Variants in SLC35F1 observed in about 807,000 individuals in gnomAD.
SLC35F1 encodes chromosome 6 open reading frame 169.
In SLC35F1, 14 loss-of-function variants were observed where a neutral mutation model predicts 48.7. The observed-to-expected ratio is 0.29, with a 90% confidence interval of 0.19 to 0.45. The LOEUF (loss-of-function observed/expected upper bound fraction) is 0.45, where lower values mean the gene tolerates loss of function less well. Ranked by LOEUF, SLC35F1 falls within the 20% of genes least tolerant of loss-of-function variation. SLC35F1 has a pLI of 1.00. For synonymous variants in SLC35F1, 190 were observed against 202.2 expected (o/e 0.94, Z 0.51); for missense variants, 404 against 500.0 (o/e 0.81, Z 1.83).
intron 2 of SLC35F1, among the ~76,000 whole-genome samples, chr6:118,158,954 C>T (rs1202517461): frequency 6.6e-6 from 1 of 152,150 alleles, no homozygotes; most frequent in African/African-American, 2.4e-5. Flanking sequence ...GGCGTGGTGG[C>T]TCATGCCTGT....
intron 1 of SLC35F1, among the ~76,000 whole-genome samples, chr6:117,994,948 T>C (rs900678616): frequency 2.6e-5 from 4 of 152,234 alleles, no homozygotes; most frequent in Admixed American, 6.5e-5. Context: ...TTATCACTCA[T>C]GTAACTGACA....
intron 1 of SLC35F1, among the ~76,000 whole-genome samples, chr6:118,077,644 G>A (rs1284348134): frequency 2.0e-5 from 3 of 152,302 alleles, no homozygotes; most frequent in Middle Eastern, 3.4e-3. Flanking sequence ...ATATAAAAAT[G>A]CTGGACAGCA....
chr6:118,064,778 A>G (rs1387351382), intron 1 of SLC35F1, among the ~76,000 whole-genome samples: 1 of 152,168 alleles, frequency 6.6e-6, no homozygotes, highest in Non-Finnish European at 1.5e-5. Flanking sequence ...CATATGTGTA[A>G]TGGTTATCTG....
intron 1 of SLC35F1, among the ~76,000 whole-genome samples, chr6:117,987,453 T>G (rs1044587701): frequency 2.8e-4 from 43 of 151,864 alleles, no homozygotes; most frequent in African/African-American, 9.9e-4. Context: ...CTCCCTTCCC[T>G]TCTCCTTTTC....
chr6:118,243,693 A>T (rs1775469219), intron 3 of SLC35F1, among the ~76,000 whole-genome samples: 1 of 152,172 alleles, frequency 6.6e-6, no homozygotes, highest in South Asian at 2.1e-4. Context: ...CAGACTTCTA[A>T]AATTTGTAGC....
chr6:118,189,881 T>C (rs1774708750), intron 2 of SLC35F1, among the ~76,000 whole-genome samples: 1 of 152,214 alleles, frequency 6.6e-6, no homozygotes, highest in Non-Finnish European at 1.5e-5. Context: ...ATTTGCCTTA[T>C]TTGAACACAG....
At chr6:118,245,974 T>C (rs921528298) in intron 3 of SLC35F1, among the ~76,000 whole-genome samples, 2 of 152,166 alleles carry the variant, frequency 1.3e-5, no homozygotes, top group Admixed American at 6.5e-5. Flanking sequence ...CTTTGCACAA[T>C]CAGTGGATGA....
chr6:118,156,669 AAAAAT>A (rs368503344), intron 2 of SLC35F1, among the ~76,000 whole-genome samples: 31 of 140,548 alleles, frequency 2.2e-4, no homozygotes, highest in African/African-American at 6.9e-4. Flanking sequence ...AAGTATAATA[AAAAAT>A]AAAATAAAAT....
chr6:118,294,706 G>T (rs1321354277), intron 7 of SLC35F1, among the ~76,000 whole-genome samples: 1 of 152,056 alleles, frequency 6.6e-6, no homozygotes, highest in African/African-American at 2.4e-5. Flanking sequence ...GGCTCTCCAT[G>T]CTGAACAGGC....
intron 2 of SLC35F1, among the ~76,000 whole-genome samples, chr6:118,199,470 C>T (rs915586996): frequency 2.6e-5 from 4 of 152,190 alleles, no homozygotes; most frequent in African/African-American, 9.7e-5. Flanking sequence ...ATTAATTAAA[C>T]AATCTCCATA....
chr6:117,972,236 C>T lies in SLC35F1; in HGVS notation c.173+64337C>T, dbSNP rs558094266. Among the ~76,000 whole-genome samples the T allele has an allele frequency of 5.9e-5, 9 of 152,302 alleles. 1 individual carries two copies. The East Asian group carries it at 7.7e-4, about 13-fold the overall frequency. On this transcript the variant is annotated intron_variant, in intron 1 of 7. Transcript: ENST00000360388. ...CTAGTTCCCAACAAACTCCACATCT[C>T]CTTATGAGACCACCTCAGCCTGGAC...
At chr6:118,037,181 CT>C (rs1466058272) in intron 1 of SLC35F1, among the ~76,000 whole-genome samples, 5 of 152,092 alleles carry the variant, frequency 3.3e-5, no homozygotes, top group Non-Finnish European at 5.9e-5. Context: ...ATTTCAACAT[CT>C]CTATGTCATT....
intron 1 of SLC35F1, among the ~76,000 whole-genome samples, chr6:117,914,525 C>T (rs1775804562): frequency 6.6e-6 from 1 of 152,144 alleles, no homozygotes; most frequent in Non-Finnish European, 1.5e-5. Context: ...TTCATTCATG[C>T]AGGGAGAATT....
intron 3 of SLC35F1, among the ~76,000 whole-genome samples, chr6:118,239,027 T>A (rs1183974858): frequency 1.3e-5 from 2 of 151,580 alleles, no homozygotes; most frequent in Non-Finnish European, 2.9e-5. Flanking sequence ...GTAGCTCCCA[T>A]CTCCCATCAA....
At chr6:118,079,832 C>A (rs973456546) in intron 1 of SLC35F1, among the ~76,000 whole-genome samples, 3 of 152,152 alleles carry the variant, frequency 2.0e-5, no homozygotes, top group African/African-American at 7.2e-5. Flanking sequence ...GCTGAGACAC[C>A]TCTGACCGCT....
intron 7 of SLC35F1, among the ~76,000 whole-genome samples, chr6:118,289,955 G>A (rs454842): frequency 0.065 from 9,896 of 152,210 alleles, 372 homozygotes; most frequent in South Asian, 0.095. Flanking sequence ...CCATGGCGAT[G>A]TTGATATTTT....
At chr6:118,018,296 G>C (rs56225793) in intron 1 of SLC35F1, among the ~76,000 whole-genome samples, 2 of 151,956 alleles carry the variant, frequency 1.3e-5, no homozygotes, top group Non-Finnish European at 2.9e-5. Context: ...GCTTGAACCC[G>C]GGAGGCGGAG....
chr6:118,031,363 T>TCC (rs1772046727), intron 1 of SLC35F1, among the ~76,000 whole-genome samples: 3 of 152,332 alleles, frequency 2.0e-5, no homozygotes, highest in Middle Eastern at 6.8e-3. Flanking sequence ...AGATGAGTAA[T>TCC]TTTAGCAAAG....
intron 1 of SLC35F1, among the ~76,000 whole-genome samples, chr6:118,014,343 T>C (rs990967995): frequency 3.3e-5 from 5 of 152,144 alleles, no homozygotes; most frequent in Non-Finnish European, 1.5e-5. Context: ...GGAGTAATTC[T>C]TCATGATAAT....
Sources: gnomAD v4.1 joint callset for allele counts (sites outside exome capture counted in the v4.1 genomes callset) on GRCh38, gnomAD v4.1.1 for gene constraint, MANE v1.5 for transcripts, NCBI Gene and HGNC (gene_info 2026-07-23, HGNC 2026-07-21) for gene names.